The following UFL1 variants were observed in gnomAD, a reference collection of about 807,000 sequenced individuals.
The protein encoded by UFL1 is E3 UFM1-protein ligase 1.
UFL1 carries 78 observed loss-of-function variants against 99.3 expected under a neutral mutation model. The observed-to-expected ratio is 0.79, with a 90% confidence interval of 0.65 to 0.95. The LOEUF (loss-of-function observed/expected upper bound fraction) is 0.95, where lower values mean the gene tolerates loss of function less well. UFL1 is among the 40% of genes least tolerant of loss of function. The pLI, the probability that UFL1 is intolerant of heterozygous loss-of-function variation, is 0.00. For missense variants in UFL1, 936 were observed against 937.0 expected, an observed-to-expected ratio of 1.00 and a Z score of 0.01; for synonymous variants, 335 against 322.2, an observed-to-expected ratio of 1.04 and a Z score of -0.42.
chr6:96,526,512 A>G (rs1046438310), intron 5 of UFL1, 77 bp downstream of exon 5: 9 of 1,119,808 alleles, frequency 8.0e-6, no homozygotes, highest in African/African-American at 8.0e-5. Flanking sequence ...GAAGGGGGAA[A>G]AAAAAATGAG....
chr6:96,528,434 G>C, intron 5 of UFL1, 68 bp from the exon 6 acceptor site: 1 of 1,545,348 alleles, frequency 6.5e-7, no homozygotes. Flanking sequence ...ACTTGAGTAT[G>C]ACTATGCAAA....
In UFL1 at chr6:96,521,827, GC is replaced by G. The variant is rs1562248780; in HGVS notation, c.-46del. Reference sequence around the variant, plus strand: ...GCCTCTCTTCTCCCACCGCCTGTCGGCTGACGTGTCTGCAGTTCCTCCGCGT... The same window carrying G: ...GCCTCTCTTCTCCCACCGCCTGTCGGTGACGTGTCTGCAGTTCCTCCGCGT... On this transcript the variant is annotated 5_prime_UTR_variant, in exon 1 of 19. Transcript: ENST00000369278. 1 of 1,581,078 alleles carries G rather than the reference GC, an allele frequency of 6.3e-7. No individual in the cohort carries two copies. The highest frequency in any genetic ancestry group is 2.3e-5 in the East Asian group (1 of 43,172).
Position 96,553,714 on chromosome 6 carries a change from T to C in UFL1, c.*211T>C, listed in dbSNP as rs1277777652. 8 of 411,020 alleles carry C rather than the reference T, an allele frequency of 1.9e-5. No homozygotes were observed. In the East Asian group the frequency reaches 2.1e-4, roughly 11 times the overall value. 25.5% of individuals were successfully genotyped at this position (411,020 alleles called of 1,614,324 possible). A position where few individuals can be genotyped will look rare whatever the true frequency, so the allele number is the denominator to read the frequency against. ...ATTGGGTTCTTCATGGAAGTTTTTT[T>C]CCACCTGATTTTCACACAAATACTA... On this transcript the variant is annotated 3_prime_UTR_variant, in exon 19 of 19. Coordinates refer to ENST00000369278, the MANE Select transcript of UFL1 (RefSeq NM_015323.5).
At chr6:96,549,857 T>G in intron 15 of UFL1, 58 bp downstream of exon 15, 1 of 1,566,304 alleles carries the variant, frequency 6.4e-7, no homozygotes, top group Non-Finnish European at 8.6e-7. Context: ...CTATACACAT[T>G]TTATTTTATC....
chr6:96,544,785 A>G lies in UFL1; in HGVS notation c.1402+1769A>G, dbSNP rs563328660. Among the ~76,000 whole-genome samples, 361 of 151,240 alleles carry G rather than the reference A, an allele frequency of 2.4e-3. 2 individuals are homozygous for G. Among genetic ancestry groups the G allele is most frequent in the Admixed American group, 3.6e-3 (55 of 15,128 alleles). On this transcript the variant is annotated intron_variant, in intron 12 of 18. Coordinates refer to ENST00000369278, the MANE Select transcript of UFL1 (RefSeq NM_015323.5). ...GGCATGTGGGTGAAGAGGCATTACAAGAAAACACTTCTCTAATATCTGTAA... is the reference window on the plus strand; with the variant it reads ...GGCATGTGGGTGAAGAGGCATTACAGGAAAACACTTCTCTAATATCTGTAA...
chr6:96,528,411 A>C (rs1411044091), intron 5 of UFL1, 91 bp from the exon 6 acceptor site: 1 of 1,428,634 alleles, frequency 7.0e-7, no homozygotes, highest in Non-Finnish European at 9.5e-7. Flanking sequence ...CTGATACCTC[A>C]GCATGCAGCA....
At chr6:96,540,339 A>G (rs920360979) in intron 10 of UFL1, among the ~76,000 whole-genome samples, 196 bp from the exon 11 acceptor site, 2 of 151,486 alleles carry the variant, frequency 1.3e-5, no homozygotes, top group African/African-American at 4.8e-5. Flanking sequence ...GGTACAAAAA[A>G]GGTCAAGAGC....
intron 9 of UFL1, 111 bp from the exon 10 acceptor site, chr6:96,538,520 A>G: frequency 1.0e-6 from 1 of 981,264 alleles, no homozygotes; most frequent in Admixed American, 2.9e-5. Flanking sequence ...TGGTTCCAAA[A>G]GCCACTGGAC....
intron 11 of UFL1, among the ~76,000 whole-genome samples, chr6:96,542,251 G>C (rs1284472678): frequency 6.6e-6 from 1 of 150,964 alleles, no homozygotes; most frequent in Non-Finnish European, 1.5e-5. Flanking sequence ...ATAGTCAATA[G>C]GTAATAATAC....
In UFL1 at chr6:96,554,140, G is replaced by A. The variant is rs970969678; in HGVS notation, c.*637G>A. 1.3e-4 allele frequency: 20 copies of A among 152,344 alleles called. No individual in the cohort carries two copies. The highest frequency in any genetic ancestry group is 4.8e-4 in the African/African-American group (20 of 41,580). The allele number at this position is 152,344 out of a possible 1,614,324, so 9.4% of individuals were successfully genotyped here. On this transcript the variant is annotated 3_prime_UTR_variant, in exon 19 of 19. Transcript: ENST00000369278. Reference sequence around the variant, plus strand: ...TTTACAGGTGCACAAGAACGCTAGAGTGGCCCATGCATTGCTGTGTTCTCT... The same window carrying A: ...TTTACAGGTGCACAAGAACGCTAGAATGGCCCATGCATTGCTGTGTTCTCT...
rs767988289 is a variant in UFL1 at position 96,548,147 on chromosome 6, G to A, written c.1403-17G>A. On this transcript the variant is annotated splice_polypyrimidine_tract_variant and intron_variant, in intron 12 of 18. Coordinates refer to ENST00000369278, the MANE Select transcript of UFL1 (RefSeq NM_015323.5). ...TTTATTTATTTATTTATTTGCCATT[G>A]CTCATGTCCGATATAGGAAAGAAGA... 1 of 1,506,140 alleles carries A rather than the reference G, an allele frequency of 6.6e-7. No homozygotes were observed. The highest frequency in any genetic ancestry group is 1.4e-5 in the African/African-American group (1 of 71,086). 93.3% of individuals were successfully genotyped at this position (1,506,140 alleles called of 1,614,324 possible).
At chr6:96,535,499 T>C (rs1043550163) in intron 7 of UFL1, among the ~76,000 whole-genome samples, 32 of 152,026 alleles carry the variant, frequency 2.1e-4, no homozygotes, top group Non-Finnish European at 1.6e-4. Context: ...ATTGAGTCTT[T>C]ATTATATGCC....
chr6:96,547,968 A>G (rs1024067589), intron 12 of UFL1, among the ~76,000 whole-genome samples, 196 bp from the exon 13 acceptor site: 10 of 151,772 alleles, frequency 6.6e-5, no homozygotes, highest in African/African-American at 2.4e-4. Context: ...ATATAAAATA[A>G]AATATTTTTT....
intron 2 of UFL1, 33 bp from the exon 3 acceptor site, chr6:96,524,349 C>G: frequency 6.3e-7 from 1 of 1,579,510 alleles, no homozygotes; most frequent in East Asian, 2.3e-5. Context: ...ACGCATAGAT[C>G]ATTTAAAATA....
intron 6 of UFL1, 42 bp from the exon 7 acceptor site, chr6:96,534,221 A>G (rs756328183): frequency 3.0e-6 from 4 of 1,330,646 alleles, no homozygotes; most frequent in South Asian, 1.6e-5. Flanking sequence ...CTATAACACT[A>G]TAATGAGTAA....
chr6:96,537,758 C>T (rs1769873700), intron 9 of UFL1, among the ~76,000 whole-genome samples: 1 of 151,866 alleles, frequency 6.6e-6, no homozygotes, highest in Non-Finnish European at 1.5e-5. Flanking sequence ...TTCTATAAAT[C>T]TCAAAACAAA....
rs755843204 is a variant in UFL1, at chr6:96,536,320, T to C, written c.732T>C (p.Phe244=). Residue 244 remains phenylalanine (F), a synonymous_variant, in exon 8 of 19, where the codon TTT becomes TTC. Transcript: ENST00000369278. ...VVGGRQDKAV[F]VPDIYSRTQS... Reference sequence around the variant, plus strand: ...GTGGGAGACAGGATAAAGCTGTGTTTGTCCCTGACATCTACTCCAGGACAC... The same window carrying C: ...GTGGGAGACAGGATAAAGCTGTGTTCGTCCCTGACATCTACTCCAGGACAC... 8 of 1,611,570 alleles carry C rather than the reference T, an allele frequency of 5.0e-6. No homozygotes were observed. The highest frequency in any genetic ancestry group is 6.8e-6 in the Non-Finnish European group (8 of 1,178,368).
intron 18 of UFL1, among the ~76,000 whole-genome samples, chr6:96,552,986 A>G (rs940319031): frequency 6.6e-6 from 1 of 151,830 alleles, no homozygotes; most frequent in East Asian, 1.9e-4. Flanking sequence ...TAGCTAAAAA[A>G]CCCCTCAGCT....
chr6:96,553,304 T>C lies in UFL1; in HGVS notation c.2186T>C (p.Val729Ala). 6.2e-7 allele frequency: 1 copy of C among 1,613,362 alleles called. No homozygotes were observed. Among genetic ancestry groups the C allele is most frequent in the Non-Finnish European group, 8.5e-7 (1 of 1,179,660 alleles). ...KIPEDQHALL[V>A]KYQGLVVKQL... ...TCACAGGATCAGCATGCTCTTTTGG[T>C]AAAGTATCAAGGTTTGGTTGTAAAG... The change falls in exon 19 of 19, where the codon GTA (valine) becomes GCA (alanine). Residue 729 changes from valine (V) to alanine (A), a missense_variant. Transcript: ENST00000369278.
Sources: gnomAD v4.1 joint callset for allele counts (sites outside exome capture counted in the v4.1 genomes callset) on GRCh38, gnomAD v4.1.1 for gene constraint, MANE v1.5 for transcripts, NCBI Gene and HGNC (gene_info 2026-07-23, HGNC 2026-07-21) for gene names.